Variants in TEX9 observed in about 807,000 individuals in gnomAD.
TEX9 encodes testis expressed 9.
Under a neutral mutation model 59.6 loss-of-function variants are expected in TEX9, and 74 were observed. That is an observed-to-expected ratio of 1.24 (90% CI 1.03 to 1.51). The LOEUF is 1.51. Ranked by LOEUF, TEX9 falls within the 40% of genes most tolerant of loss-of-function variation. The pLI is 0.00. For missense variants in TEX9, 522 were observed against 447.8 expected (o/e 1.17, Z -1.49); for synonymous variants, 186 against 152.2 (o/e 1.22, Z -1.64).
chr15:56,436,161 C>T (rs553108383), intron 12 of TEX9, among the ~76,000 whole-genome samples: 1 of 152,136 alleles, frequency 6.6e-6, no homozygotes, highest in African/African-American at 2.4e-5. Flanking sequence ...ACATTCTTCT[C>T]AGCACCACAC....
At chr15:56,375,832 C>A (rs1680527045) in intron 3 of TEX9, among the ~76,000 whole-genome samples, 1 of 150,694 alleles carries the variant, frequency 6.6e-6, no homozygotes, top group Non-Finnish European at 1.5e-5. Flanking sequence ...AAATGTCCAA[C>A]AATGATAGAC....
chr15:56,321,777 T>G (rs2045909716), intron 1 of TEX9, among the ~76,000 whole-genome samples: 1 of 152,184 alleles, frequency 6.6e-6, no homozygotes, highest in African/African-American at 2.4e-5. Flanking sequence ...ATTAATTATT[T>G]TGCTATCCTC....
At chr15:56,298,961 T>C (rs76942302) in intron 1 of TEX9, among the ~76,000 whole-genome samples, 4,212 of 152,314 alleles carry the variant, frequency 0.028, 191 homozygotes, top group African/African-American at 0.095. Flanking sequence ...TGTAGGAAGA[T>C]GACCAAATAG....
intron 1 of TEX9, among the ~76,000 whole-genome samples, chr15:56,250,339 T>C (rs2043985726): frequency 6.6e-6 from 1 of 152,088 alleles, no homozygotes; most frequent in Non-Finnish European, 1.5e-5. Context: ...GTGGAGGACT[T>C]GGGATGGAGC....
chr15:56,304,826 C>T (rs1168252087), intron 1 of TEX9, among the ~76,000 whole-genome samples: 2 of 152,044 alleles, frequency 1.3e-5, no homozygotes, highest in Non-Finnish European at 2.9e-5. Context: ...GGGCTCAAGC[C>T]ATCCTCCCGC....
Position 56,315,063 on chromosome 15 carries a change from T to C in TEX9, c.-106-58378T>C, listed in dbSNP as rs1201880126. On this transcript the variant is annotated intron_variant, in intron 1 of 5. Coordinates refer to the TEX9 transcript ENST00000560827. ...GTGTGTCTCTGCATGTGAGATGGGT[T>C]TCCTGAATACAGCACAGTGATGGGT... Among the ~76,000 whole-genome samples, 4 of 151,470 alleles carry C rather than the reference T, an allele frequency of 2.6e-5. No homozygotes were observed. The Admixed American group carries it at 2.6e-4, about 10-fold the overall frequency.
At chr15:56,290,330 G>T (rs1327971869) in intron 1 of TEX9, among the ~76,000 whole-genome samples, 2 of 152,134 alleles carry the variant, frequency 1.3e-5, no homozygotes, top group African/African-American at 4.8e-5. Context: ...CTGTAGAACA[G>T]GCTGCTAGGG....
At chr15:56,387,685 G>C (rs532251902) in intron 4 of TEX9, among the ~76,000 whole-genome samples, 2 of 151,906 alleles carry the variant, frequency 1.3e-5, no homozygotes, top group Admixed American at 1.3e-4. Context: ...CAATGCCCAA[G>C]ACAATGGGTT....
chr15:56,366,321 C>T (rs1019324562), intron 2 of TEX9, among the ~76,000 whole-genome samples: 1 of 152,162 alleles, frequency 6.6e-6, no homozygotes, highest in African/African-American at 2.4e-5. Flanking sequence ...TGTGGCTCCT[C>T]CTGCCTCCTC....
chr15:56,438,339 T>C (rs933464023), intron 12 of TEX9, among the ~76,000 whole-genome samples: 3 of 151,928 alleles, frequency 2.0e-5, no homozygotes, highest in Non-Finnish European at 4.4e-5. Flanking sequence ...GCTCTTTTTT[T>C]TTGTTACAAA....
rs1555447442 is a variant in TEX9, at chr15:56,428,390, G to GCTATCTTT, written c.1124_1131dup (p.Thr378TyrfsTer9). ...AGATGCATATTGAAGCTGCCAAGAT[G>GCTATCTTT]CTATCTTTCACTGAGGAGGAATTTA... On this transcript the variant is annotated frameshift_variant, in exon 12 of 13. Coordinates refer to ENST00000352903, the Ensembl canonical transcript of TEX9. LOFTEE classifies it high-confidence loss of function. 6.2e-7 allele frequency: 1 copy of GCTATCTTT among 1,611,886 alleles called. No homozygotes were observed. Among genetic ancestry groups the GCTATCTTT allele is most frequent in the Admixed American group, 1.7e-5 (1 of 59,912 alleles).
At chr15:56,284,408 A>G (rs1422264262) in intron 1 of TEX9, among the ~76,000 whole-genome samples, 6 of 152,196 alleles carry the variant, frequency 3.9e-5, no homozygotes, top group African/African-American at 1.4e-4. Context: ...GATACTGGCT[A>G]AGTAAACTAT....
At chr15:56,331,018 T>C (rs1425902945) in intron 1 of TEX9, among the ~76,000 whole-genome samples, 2 of 152,134 alleles carry the variant, frequency 1.3e-5, no homozygotes, top group African/African-American at 4.8e-5. Flanking sequence ...TCTGTTTATA[T>C]CAGGCAAGAT....
At position 56,434,299 on chromosome 15, in the gene TEX9, C is replaced by G. The variant is rs763513915; in HGVS notation, c.*29+5826C>G. The G allele has an allele frequency of 5.0e-6, 8 of 1,613,840 alleles. No individual in the cohort carries two copies. In the African/African-American group the frequency reaches 6.7e-5, roughly 13 times the overall value. On this transcript the variant is annotated intron_variant, in intron 12 of 12. Coordinates refer to ENST00000352903, the Ensembl canonical transcript of TEX9. ...GTTTTTCTAAAGTTCTCCTCTTCCT[C>G]TTTTGCAGCCTGTAGCACTAATTCC...
At chr15:56,275,379 T>C (rs1301954387) in intron 1 of TEX9, among the ~76,000 whole-genome samples, 1 of 152,206 alleles carries the variant, frequency 6.6e-6, no homozygotes, top group Non-Finnish European at 1.5e-5. Context: ...CTCATCTTCA[T>C]TGGATGCTTC....
At chr15:56,250,717 T>G (rs745412730) in intron 1 of TEX9, among the ~76,000 whole-genome samples, 62 of 152,020 alleles carry the variant, frequency 4.1e-4, no homozygotes, top group Admixed American at 1.6e-3. Flanking sequence ...ATGCCTTGCA[T>G]AGTGGATGCT....
At chr15:56,365,347 G>C (rs1185325278), upstream of TEX9, 1 of 1,448,554 alleles carries the variant, frequency 6.9e-7, no homozygotes, top group Non-Finnish European at 9.2e-7. Flanking sequence ...CACAGAACCT[G>C]AGAGTGGGAA....
downstream of TEX9, among the ~76,000 whole-genome samples, chr15:56,448,686 C>T (rs1233498441): frequency 2.0e-5 from 3 of 151,402 alleles, no homozygotes; most frequent in Non-Finnish European, 4.4e-5. Context: ...AATAGCACAG[C>T]AATAAACATA....
intron 1 of TEX9, among the ~76,000 whole-genome samples, chr15:56,269,093 A>G (rs2044460760): frequency 1.3e-5 from 2 of 151,588 alleles, no homozygotes; most frequent in Admixed American, 1.3e-4. Context: ...TTTCTTCTAG[A>G]TTTTCTAGTT....
Sources: allele counts gnomAD v4.1 joint callset (sites outside exome capture counted in the v4.1 genomes callset), GRCh38; gene constraint gnomAD v4.1.1; transcripts MANE v1.5; gene names NCBI Gene and HGNC (gene_info 2026-07-23, HGNC 2026-07-21).